Variants in GRM5 observed in about 807,000 individuals in gnomAD.
GRM5 encodes the protein metabotropic glutamate receptor 5.
GRM5 carries 19 observed loss-of-function variants against 83.1 expected under a neutral mutation model. The observed-to-expected ratio is 0.23, with a 90% CI of 0.16 to 0.34. The LOEUF (loss-of-function observed/expected upper bound fraction) is 0.34. Among genes scored for constraint, GRM5 ranks in the 10% least tolerant of loss-of-function variants. The pLI, the probability that GRM5 is intolerant of heterozygous loss-of-function variation, is 1.00. For synonymous variants in GRM5, 675 were observed against 633.6 expected, an observed-to-expected ratio of 1.07 and a Z score of -0.98; for missense variants, 1,160 against 1,588.3, an observed-to-expected ratio of 0.73 and a Z score of 4.58.
chr11:88,936,521 C>T (rs1403551772), intron 2 of GRM5, among the ~76,000 whole-genome samples: 7 of 151,746 alleles, frequency 4.6e-5, no homozygotes, highest in Non-Finnish European at 1.5e-5. Flanking sequence ...TAAAGAAAAG[C>T]TGTGAAAACA....
At chr11:88,820,441 A>G (rs1943770084) in intron 3 of GRM5, among the ~76,000 whole-genome samples, 1 of 149,678 alleles carries the variant, frequency 6.7e-6, no homozygotes, top group African/African-American at 2.5e-5. Flanking sequence ...CATTATTGCT[A>G]TTCTTTCTCG....
rs1392073153 is a variant in GRM5, at chr11:88,927,617, T to G, written c.662-77462A>C. On this transcript the variant is annotated intron_variant, in intron 2 of 9. Transcript: ENST00000305447. ...TCTTGGCAACCAGAATCCACACAAATTGGTAGGCACTTTCTCTGGAGGAAG... is the reference window on the plus strand; with the variant it reads ...TCTTGGCAACCAGAATCCACACAAAGTGGTAGGCACTTTCTCTGGAGGAAG... Among the ~76,000 whole-genome samples the G allele has an allele frequency of 5.9e-5, 9 of 152,214 alleles. No individual in the cohort carries two copies. In the East Asian group the frequency reaches 1.2e-3, roughly 20 times the overall value.
chr11:89,054,835 C>A (rs1269007922), intron 1 of GRM5, among the ~76,000 whole-genome samples: 1 of 152,138 alleles, frequency 6.6e-6, no homozygotes, highest in Non-Finnish European at 1.5e-5. Flanking sequence ...TACATAAAGA[C>A]TGGAAACATA....
At chr11:88,948,090 C>G (rs945472723) in intron 2 of GRM5, among the ~76,000 whole-genome samples, 2 of 152,022 alleles carry the variant, frequency 1.3e-5, no homozygotes, top group African/African-American at 4.8e-5. Context: ...ACAACCTAAC[C>G]TAATCTCAGC....
At chr11:88,746,440 C>T (rs1394009373) in intron 3 of GRM5, among the ~76,000 whole-genome samples, 2 of 152,076 alleles carry the variant, frequency 1.3e-5, no homozygotes, top group African/African-American at 4.8e-5. Context: ...GTAAGTGTCA[C>T]ATTTGTGCTG....
chr11:88,855,593 T>A (rs1944460799), intron 2 of GRM5, among the ~76,000 whole-genome samples: 1 of 151,920 alleles, frequency 6.6e-6, no homozygotes, highest in South Asian at 2.1e-4. Context: ...TGCTGAAAAC[T>A]TGGTTAAAAA....
intron 2 of GRM5, among the ~76,000 whole-genome samples, chr11:89,002,851 T>C (rs192182905): frequency 6.6e-6 from 1 of 152,242 alleles, no homozygotes; most frequent in African/African-American, 2.4e-5. Context: ...CCTTCATCTC[T>C]TTCAGATCAT....
At chr11:89,010,968 A>C (rs1940679408) in intron 2 of GRM5, among the ~76,000 whole-genome samples, 1 of 152,244 alleles carries the variant, frequency 6.6e-6, no homozygotes, top group African/African-American at 2.4e-5. Flanking sequence ...GCTTTCCAAA[A>C]GAGTAATAAG....
chr11:88,600,244 T>C (rs1350707615), intron 5 of GRM5, among the ~76,000 whole-genome samples: 1 of 137,684 alleles, frequency 7.3e-6, no homozygotes, highest in Non-Finnish European at 1.5e-5. Context: ...TCCTCCTTCC[T>C]CCTCCTCCTC....
chr11:88,602,738 G>C (rs1384069619), intron 5 of GRM5, among the ~76,000 whole-genome samples: 5 of 152,160 alleles, frequency 3.3e-5, no homozygotes, highest in African/African-American at 1.2e-4. Context: ...ACTAGACTGT[G>C]TTTTTGGGCA....
intron 3 of GRM5, among the ~76,000 whole-genome samples, chr11:88,722,336 T>A (rs1941563738): frequency 6.6e-6 from 1 of 152,170 alleles, no homozygotes; most frequent in Non-Finnish European, 1.5e-5. Flanking sequence ...CATTTGTAGC[T>A]TCTCAGGGAA....
chr11:88,748,711 C>T (rs951351667), intron 3 of GRM5, among the ~76,000 whole-genome samples: 6 of 152,016 alleles, frequency 3.9e-5, no homozygotes, highest in Non-Finnish European at 5.9e-5. Flanking sequence ...AGGTCAGTAC[C>T]CCCCCAGGAC....
chr11:89,052,322 A>C (rs913854085), intron 1 of GRM5, among the ~76,000 whole-genome samples: 4 of 152,164 alleles, frequency 2.6e-5, no homozygotes, highest in African/African-American at 9.7e-5. Flanking sequence ...ACAGCTAAAA[A>C]ATAAGCTCTG....
At chr11:88,624,505 G>A (rs1008509171) in intron 4 of GRM5, among the ~76,000 whole-genome samples, 2 of 152,120 alleles carry the variant, frequency 1.3e-5, no homozygotes, top group Non-Finnish European at 2.9e-5. Flanking sequence ...ATGACAAGAG[G>A]GAAACTGAAA....
intron 8 of GRM5, among the ~76,000 whole-genome samples, chr11:88,555,362 C>G (rs546302126): frequency 6.6e-6 from 1 of 152,054 alleles, no homozygotes. Flanking sequence ...AATAGTAGTA[C>G]GCAAAACACA....
intron 3 of GRM5, among the ~76,000 whole-genome samples, chr11:88,771,720 T>C (rs1043128182): frequency 1.3e-5 from 2 of 152,128 alleles, no homozygotes. Flanking sequence ...TTCAATCCAA[T>C]CAAGGTAACA....
At chr11:88,568,835 A>G (rs1341003500) in intron 7 of GRM5, among the ~76,000 whole-genome samples, 2 of 152,154 alleles carry the variant, frequency 1.3e-5, no homozygotes, top group South Asian at 4.1e-4. Context: ...AGATTCTGTT[A>G]AAAAAAGGAG....
At chr11:88,878,851 G>A (rs896265803) in intron 2 of GRM5, among the ~76,000 whole-genome samples, 1 of 152,150 alleles carries the variant, frequency 6.6e-6, no homozygotes. Flanking sequence ...GTTTCATACT[G>A]TATCATTCCA....
intron 2 of GRM5, among the ~76,000 whole-genome samples, chr11:89,045,061 C>A (rs1028908156): frequency 3.6e-4 from 55 of 152,124 alleles, no homozygotes; most frequent in African/African-American, 1.2e-3. Flanking sequence ...ATAAATATTT[C>A]TTGACACAAC....
Sources: gnomAD v4.1 joint callset for allele counts (sites outside exome capture counted in the v4.1 genomes callset) on GRCh38, gnomAD v4.1.1 for gene constraint, MANE v1.5 for transcripts, NCBI Gene and HGNC (gene_info 2026-07-23, HGNC 2026-07-21) for gene names.